Variants in LHFPL6 observed in about 807,000 individuals in gnomAD.
LHFPL6 encodes LHFPL tetraspan subfamily member 6.
Under a neutral mutation model 20.6 loss-of-function variants are expected in LHFPL6, and 9 were observed. The observed-to-expected ratio is 0.44, with a 90% CI of 0.26 to 0.76. The LOEUF (loss-of-function observed/expected upper bound fraction) is 0.76. LHFPL6 is among the 30% of genes least tolerant of loss of function. The pLI, the probability that LHFPL6 is intolerant of heterozygous loss-of-function variation, is 0.20. For synonymous variants in LHFPL6, 105 were observed against 98.7 expected (o/e 1.06, Z -0.38); for missense variants, 218 against 253.5 (o/e 0.86, Z 0.95).
intron 2 of LHFPL6, among the ~76,000 whole-genome samples, chr13:39,592,241 A>C (rs185206681): frequency 1.3e-5 from 2 of 152,318 alleles, no homozygotes; most frequent in East Asian, 3.9e-4. Context: ...AAAAAACTAA[A>C]CTGGTGACCA....
intron 2 of LHFPL6, among the ~76,000 whole-genome samples, chr13:39,570,525 T>C (rs1871881069): frequency 6.6e-6 from 1 of 151,040 alleles, no homozygotes; most frequent in South Asian, 2.1e-4. Flanking sequence ...AATAATAGAG[T>C]AATATATAAT....
At chr13:39,559,403 G>C (rs2138518248) in intron 2 of LHFPL6, among the ~76,000 whole-genome samples, 1 of 152,258 alleles carries the variant, frequency 6.6e-6, no homozygotes, top group East Asian at 1.9e-4. Flanking sequence ...GGTTAAAGAG[G>C]GGCACTTCGA....
At chr13:39,455,776 C>A (rs1287076513) in intron 2 of LHFPL6, among the ~76,000 whole-genome samples, 1 of 152,152 alleles carries the variant, frequency 6.6e-6, no homozygotes, top group Non-Finnish European at 1.5e-5. Flanking sequence ...CCATGTGAGA[C>A]AGCAGAGAAA....
chr13:39,402,931 A>G (rs951577421), intron 2 of LHFPL6, among the ~76,000 whole-genome samples: 1 of 152,240 alleles, frequency 6.6e-6, no homozygotes, highest in Admixed American at 6.5e-5. Context: ...GCTAGAGGTT[A>G]GGGCTGTGAC....
Position 39,371,737 on chromosome 13 carries a change from T to C in LHFPL6, c.484+6691A>G, listed in dbSNP as rs186320120. 4.0e-3 allele frequency among the ~76,000 whole-genome samples: 607 copies of C among 152,250 alleles called. 7 individuals are homozygous for C. Among genetic ancestry groups the C allele is most frequent in the African/African-American group, 0.013 (559 of 41,546 alleles). On this transcript the variant is annotated intron_variant, in intron 3 of 3. Coordinates refer to ENST00000379589, the MANE Select transcript of LHFPL6 (RefSeq NM_005780.3). ...TCTTCCTCTTACAAATCCCACTACT[T>C]CTCAGTAAAATCAAATCTTATAAAA...
chr13:39,390,448 T>C (rs969713716), intron 2 of LHFPL6, among the ~76,000 whole-genome samples: 4 of 151,982 alleles, frequency 2.6e-5, no homozygotes, highest in Non-Finnish European at 4.4e-5. Flanking sequence ...CAGTGAGCTA[T>C]GACTGCACCA....
chr13:39,361,381 G>T (rs1270213355), intron 3 of LHFPL6, among the ~76,000 whole-genome samples: 1 of 151,522 alleles, frequency 6.6e-6, no homozygotes, highest in Non-Finnish European at 1.5e-5. Context: ...GCAGTGGCGT[G>T]ATCTTGGCTC....
intron 2 of LHFPL6, among the ~76,000 whole-genome samples, chr13:39,504,577 CT>C (rs1869406970): frequency 6.6e-6 from 1 of 152,198 alleles, no homozygotes; most frequent in Non-Finnish European, 1.5e-5. Flanking sequence ...TGGTCCCCTT[CT>C]TGCTCATCCT....
chr13:39,584,833 A>C (rs974138050), intron 2 of LHFPL6, among the ~76,000 whole-genome samples: 5 of 152,198 alleles, frequency 3.3e-5, no homozygotes, highest in Non-Finnish European at 7.3e-5. Flanking sequence ...CTAGACATGA[A>C]GAGAACATGG....
chr13:39,470,497 A>C (rs1872916257), intron 2 of LHFPL6, among the ~76,000 whole-genome samples: 1 of 152,170 alleles, frequency 6.6e-6, no homozygotes, highest in Non-Finnish European at 1.5e-5. Flanking sequence ...CAGACAAAAA[A>C]TTTAAGAAGT....
chr13:39,384,294 G>C (rs554561173), intron 2 of LHFPL6, among the ~76,000 whole-genome samples: 1 of 152,160 alleles, frequency 6.6e-6, no homozygotes, highest in Non-Finnish European at 1.5e-5. Context: ...ATGGTCTCTC[G>C]TTAGGAAATG....
chr13:39,576,563 G>C (rs1226869678), intron 2 of LHFPL6, among the ~76,000 whole-genome samples: 1 of 152,174 alleles, frequency 6.6e-6, no homozygotes, highest in Non-Finnish European at 1.5e-5. Context: ...CATTACAAAA[G>C]AGTGGCTTCA....
chr13:39,485,778 T>C (rs1868703944), intron 2 of LHFPL6, among the ~76,000 whole-genome samples: 1 of 152,138 alleles, frequency 6.6e-6, no homozygotes, highest in Non-Finnish European at 1.5e-5. Context: ...GTGAAAGAAA[T>C]TTAATTTGCT....
At chr13:39,449,641 G>T (rs1394484530) in intron 2 of LHFPL6, among the ~76,000 whole-genome samples, 1 of 152,004 alleles carries the variant, frequency 6.6e-6, no homozygotes, top group Non-Finnish European at 1.5e-5. Context: ...CTTGTTTTCA[G>T]GACAGAATAT....
chr13:39,514,821 C>T (rs190623727), intron 2 of LHFPL6, among the ~76,000 whole-genome samples: 31 of 152,284 alleles, frequency 2.0e-4, no homozygotes, highest in African/African-American at 5.3e-4. Flanking sequence ...ACATGATTGA[C>T]GTAGAAACTT....
chr13:39,499,054 G>A (rs1228545550), intron 2 of LHFPL6, among the ~76,000 whole-genome samples: 2 of 152,060 alleles, frequency 1.3e-5, no homozygotes, highest in Non-Finnish European at 2.9e-5. Flanking sequence ...GTGGAGACGT[G>A]GTTTTGCCAT....
intron 2 of LHFPL6, among the ~76,000 whole-genome samples, chr13:39,586,367 T>C (rs1872447714): frequency 6.6e-6 from 1 of 152,164 alleles, no homozygotes; most frequent in African/African-American, 2.4e-5. Context: ...ATGCAAATGA[T>C]TCTAAAATCA....
At chr13:39,545,894 G>C (rs537454826) in intron 2 of LHFPL6, among the ~76,000 whole-genome samples, 1 of 152,098 alleles carries the variant, frequency 6.6e-6, no homozygotes, top group South Asian at 2.1e-4. Flanking sequence ...AACATAGTGA[G>C]GCTGCTTCTC....
chr13:39,568,480 C>T (rs981863879), intron 2 of LHFPL6, among the ~76,000 whole-genome samples: 2 of 152,014 alleles, frequency 1.3e-5, no homozygotes, highest in Non-Finnish European at 2.9e-5. Flanking sequence ...GCTATGTAAA[C>T]AGAGCAAAAC....
Sources: gnomAD v4.1 joint callset for allele counts (sites outside exome capture counted in the v4.1 genomes callset) on GRCh38, gnomAD v4.1.1 for gene constraint, MANE v1.5 for transcripts, NCBI Gene and HGNC (gene_info 2026-07-23, HGNC 2026-07-21) for gene names.